RIMS1: variants seen among roughly 807,000 people sequenced by gnomAD.
The protein encoded by RIMS1 is regulating synaptic membrane exocytosis 1.
Under a neutral mutation model 214.1 loss-of-function variants are expected in RIMS1, and 83 were observed. The observed-to-expected ratio is 0.39, with a 90% CI of 0.32 to 0.47. The LOEUF is 0.47. RIMS1 is among the 20% of genes least tolerant of loss of function. RIMS1 has a pLI of 0.99. For synonymous variants in RIMS1, 793 were observed against 786.8 expected (o/e 1.01, Z -0.13); for missense variants, 2,050 against 2,161.8 (o/e 0.95, Z 1.03).
chr6:72,194,477 T>C (rs1056309168), intron 6 of RIMS1, among the ~76,000 whole-genome samples: 5 of 152,156 alleles, frequency 3.3e-5, no homozygotes, highest in Admixed American at 2.0e-4. Flanking sequence ...ACATTTTCTA[T>C]GTATTTACTG....
At chr6:72,053,126 C>T (rs1042756248) in intron 2 of RIMS1, among the ~76,000 whole-genome samples, 1 of 152,156 alleles carries the variant, frequency 6.6e-6, no homozygotes, top group African/African-American at 2.4e-5. Context: ...CGAAGTCTAA[C>T]CAACCTTGGC....
chr6:72,143,968 G>A (rs2042388999), intron 4 of RIMS1, among the ~76,000 whole-genome samples: 1 of 152,156 alleles, frequency 6.6e-6, no homozygotes, highest in Admixed American at 6.5e-5. Flanking sequence ...AGAAAGGTGA[G>A]GATGGCAATA....
intron 2 of RIMS1, among the ~76,000 whole-genome samples, chr6:72,021,190 T>A (rs1402143955): frequency 2.0e-5 from 3 of 152,216 alleles, no homozygotes. Context: ...TAAGAAGGCA[T>A]TCTATGTGAG....
At chr6:72,211,414 A>G (rs1031429948) in intron 6 of RIMS1, among the ~76,000 whole-genome samples, 6 of 152,190 alleles carry the variant, frequency 3.9e-5, no homozygotes, top group Non-Finnish European at 5.9e-5. Flanking sequence ...AATGATTAGC[A>G]TATTTGTCTA....
At chr6:72,395,478 G>T (rs1162740395) in intron 31 of RIMS1, among the ~76,000 whole-genome samples, 1 of 152,030 alleles carries the variant, frequency 6.6e-6, no homozygotes, top group African/African-American at 2.4e-5. Context: ...TTATAGAATT[G>T]AAAAATAAAC....
chr6:72,252,889 G>C (rs1173265148), intron 16 of RIMS1, 57 bp downstream of exon 16: 1 of 1,331,062 alleles, frequency 7.5e-7, no homozygotes, highest in African/African-American at 1.5e-5. Flanking sequence ...TGTTTTCTCT[G>C]TCAGCTTCCG....
chr6:72,261,708 A>T, intron 19 of RIMS1: 1 of 985,136 alleles, frequency 1.0e-6, no homozygotes, highest in African/African-American at 1.7e-5. Flanking sequence ...ATGATTTATT[A>T]TGTCTGTGTG....
intron 6 of RIMS1, chr6:72,217,175 C>G (rs2056476865): frequency 1.3e-6 from 2 of 1,536,658 alleles, no homozygotes; most frequent in Non-Finnish European, 1.7e-6. Flanking sequence ...GTTAACCACT[C>G]CGATGCTGCT....
chr6:72,021,944 T>A (rs139215747), intron 2 of RIMS1, among the ~76,000 whole-genome samples: 2 of 152,256 alleles, frequency 1.3e-5, no homozygotes, highest in East Asian at 3.9e-4. Context: ...AAGTGGCCCA[T>A]GGCCATCCAT....
chr6:71,996,611 T>A (rs1803513179), intron 2 of RIMS1, among the ~76,000 whole-genome samples: 1 of 152,216 alleles, frequency 6.6e-6, no homozygotes, highest in Admixed American at 6.5e-5. Context: ...GACAAGCTCG[T>A]CCATGAGCCT....
intron 2 of RIMS1, among the ~76,000 whole-genome samples, chr6:72,026,818 T>C (rs139066764): frequency 1.1e-4 from 16 of 152,282 alleles, no homozygotes; most frequent in African/African-American, 3.6e-4. Context: ...TCATTTCATA[T>C]CTCTTCAAAA....
intron 28 of RIMS1, among the ~76,000 whole-genome samples, chr6:72,326,027 G>A (rs1270802458): frequency 1.3e-5 from 2 of 151,750 alleles, no homozygotes; most frequent in African/African-American, 2.4e-5. Flanking sequence ...TGATCCAGAT[G>A]TAAGTGTAGG....
intron 29 of RIMS1, among the ~76,000 whole-genome samples, chr6:72,345,578 G>T (rs1262479381): frequency 2.6e-5 from 4 of 151,794 alleles, no homozygotes; most frequent in Non-Finnish European, 5.9e-5. Context: ...CGTTCCAACT[G>T]TATGTTCACA....
chr6:71,967,434 A>C (rs996718281), intron 1 of RIMS1, among the ~76,000 whole-genome samples: 5 of 152,190 alleles, frequency 3.3e-5, no homozygotes, highest in African/African-American at 1.2e-4. Context: ...TAGTTAAGTG[A>C]GAATTGCTAA....
intron 4 of RIMS1, among the ~76,000 whole-genome samples, chr6:72,144,281 AG>A (rs2042429653): frequency 6.6e-6 from 1 of 152,224 alleles, no homozygotes; most frequent in Admixed American, 6.5e-5. Context: ...TCAGAAAAGC[AG>A]CTAATATGCA....
At position 72,182,861 on chromosome 6, in the gene RIMS1, C is replaced by T; in HGVS notation, c.1390C>T (p.Leu464Phe). 6 of 1,558,718 alleles carry T rather than the reference C, an allele frequency of 3.8e-6. No homozygotes were observed. The highest frequency in any genetic ancestry group is 5.2e-6 in the Non-Finnish European group (6 of 1,153,704). The change falls in exon 6 of 34, where the codon CTC becomes TTC. Residue 464 changes from leucine (L) to phenylalanine (F), a missense_variant. Physicochemically the swap from Leu to Phe is conservative, Grantham distance 22. Around this residue, in one of 6 missense-constraint regions of RIMS1, gnomAD observed 882 missense variants for 828.9 expected, o/e 1.06. Transcript: ENST00000521978. ...GCCGGTTCCCGCAGAAGCCCCGGAG[C>T]TCAAAGCCCAGGAGCCCCTCAGGAA... ...HGPVPAEAPELKAQEPLRKQS... is the reference protein window; with the variant it reads ...HGPVPAEAPEFKAQEPLRKQS...
chr6:72,250,228 A>C (rs2072559904), intron 12 of RIMS1, 102 bp from the exon 13 acceptor site: 9 of 1,067,562 alleles, frequency 8.4e-6, no homozygotes, highest in Non-Finnish European at 1.2e-5. Flanking sequence ...ATTATATTGT[A>C]ATTCAAAATT....
chr6:72,224,902 T>C (rs983611632), intron 6 of RIMS1, among the ~76,000 whole-genome samples: 2 of 152,352 alleles, frequency 1.3e-5, no homozygotes, highest in East Asian at 3.9e-4. Context: ...TTCCTATAGC[T>C]GTAGTTTTGG....
At chr6:72,203,440 G>A (rs1467162684) in intron 6 of RIMS1, among the ~76,000 whole-genome samples, 1 of 152,118 alleles carries the variant, frequency 6.6e-6, no homozygotes, top group Non-Finnish European at 1.5e-5. Context: ...AGGGAGACTG[G>A]CATGAAGAAG....
Sources: allele counts gnomAD v4.1 joint callset (sites outside exome capture counted in the v4.1 genomes callset), GRCh38; gene constraint gnomAD v4.1.1; regional missense constraint gnomAD v4.1.1; transcripts MANE v1.5; gene names NCBI Gene and HGNC (gene_info 2026-07-23, HGNC 2026-07-21).